Variants in SYTL3 observed in about 807,000 individuals in gnomAD.
SYTL3 encodes the protein synaptotagmin-like protein 3.
In SYTL3, 88 loss-of-function variants were observed where a neutral mutation model predicts 82.1. The ratio of observed to expected loss-of-function variants is 1.07; its 90% confidence interval spans 0.90 to 1.28. The LOEUF (loss-of-function observed/expected upper bound fraction) is 1.28, where lower values mean the gene tolerates loss of function less well. Ranked by LOEUF, SYTL3 falls within the 50% of genes most tolerant of loss-of-function variation. The pLI, the probability that SYTL3 is intolerant of heterozygous loss-of-function variation, is 0.00. For missense variants in SYTL3, 831 were observed against 757.6 expected (o/e 1.10, Z -1.14); for synonymous variants, 311 against 289.4 (o/e 1.07, Z -0.76).
Position 158,703,668 on chromosome 6 carries a change from G to C in SYTL3, c.395-3562G>C, listed in dbSNP as rs531853467. Among the ~76,000 whole-genome samples, 13 of 152,178 alleles carry C rather than the reference G, an allele frequency of 8.5e-5. No homozygotes were observed. The South Asian group carries it at 1.7e-3, about 19-fold the overall frequency. ...GGGATTGGGGCTCTGCAGGCTGGAG[G>C]CTGCCTGGGGCTCTGTGTCTCTAGC... On this transcript the variant is annotated intron_variant, in intron 6 of 17. Coordinates refer to ENST00000611299, the MANE Select transcript of SYTL3 (RefSeq NM_001242394.2).
chr6:158,741,765 T>A (rs1321569222), intron 11 of SYTL3, among the ~76,000 whole-genome samples: 1 of 152,214 alleles, frequency 6.6e-6, no homozygotes, highest in Non-Finnish European at 1.5e-5. Flanking sequence ...AAATGATGAT[T>A]TTTTTGACTT....
At chr6:158,697,176 C>CACCT (rs796558564) in intron 6 of SYTL3, among the ~76,000 whole-genome samples, 11 of 150,108 alleles carry the variant, frequency 7.3e-5, no homozygotes, top group African/African-American at 2.7e-4. Context: ...TGGTGGCTTA[C>CACCT]ACCTGTAATT....
intron 11 of SYTL3, among the ~76,000 whole-genome samples, chr6:158,731,125 A>T (rs747624621): frequency 6.6e-6 from 1 of 152,008 alleles, no homozygotes; most frequent in Non-Finnish European, 1.5e-5. Flanking sequence ...TCTACTAAAA[A>T]TACAAAAAAT....
At chr6:158,731,682 C>G (rs933254536) in intron 11 of SYTL3, among the ~76,000 whole-genome samples, 1 of 152,176 alleles carries the variant, frequency 6.6e-6, no homozygotes, top group African/African-American at 2.4e-5. Flanking sequence ...CAAGTTCTGC[C>G]TCCCGGGTTC....
At chr6:158,744,862 C>T (rs1787412951) in intron 11 of SYTL3, among the ~76,000 whole-genome samples, 1 of 152,186 alleles carries the variant, frequency 6.6e-6, no homozygotes, top group South Asian at 2.1e-4. Context: ...ATCGTATAAG[C>T]TTGGAGTACC....
chr6:158,720,920 G>T (rs1218278465), intron 10 of SYTL3, among the ~76,000 whole-genome samples: 3 of 152,170 alleles, frequency 2.0e-5, no homozygotes, highest in African/African-American at 7.2e-5. Context: ...CGCACCACAG[G>T]CTGGGCTTGT....
intron 16 of SYTL3, among the ~76,000 whole-genome samples, chr6:158,762,523 T>C (rs62431620): frequency 8.5e-5 from 13 of 152,278 alleles, no homozygotes; most frequent in Non-Finnish European, 1.6e-4. Flanking sequence ...TTCATTCTCA[T>C]TCAGTATAGG....
intron 6 of SYTL3, among the ~76,000 whole-genome samples, chr6:158,686,189 G>GGT (rs1779275358): frequency 6.6e-6 from 1 of 152,146 alleles, no homozygotes; most frequent in South Asian, 2.1e-4. Context: ...TTAGGAAAGA[G>GGT]GTGAGACTGA....
At chr6:158,759,245 G>A (rs1181855540) in intron 14 of SYTL3, among the ~76,000 whole-genome samples, 1 of 151,188 alleles carries the variant, frequency 6.6e-6, no homozygotes, top group Non-Finnish European at 1.5e-5. Flanking sequence ...GTGGCACAGA[G>A]CTGCAAGGCA....
At chr6:158,702,537 G>A (rs999844752) in intron 6 of SYTL3, among the ~76,000 whole-genome samples, 52 of 150,940 alleles carry the variant, frequency 3.4e-4, no homozygotes, top group African/African-American at 1.2e-3. Context: ...GTAAAACCCC[G>A]TCTCAAAAAC....
At chr6:158,651,573 C>CG (rs1554235566) in intron 1 of SYTL3, among the ~76,000 whole-genome samples, 180 bp from the exon 2 acceptor site, 2 of 151,710 alleles carry the variant, frequency 1.3e-5, no homozygotes, top group Non-Finnish European at 2.9e-5. Flanking sequence ...GGTGACAGAG[C>CG]GAGACTCCAT....
intron 8 of SYTL3, among the ~76,000 whole-genome samples, chr6:158,713,252 A>G (rs192236614): frequency 6.6e-6 from 1 of 152,240 alleles, no homozygotes; most frequent in Admixed American, 6.5e-5. Context: ...GGATGGATGG[A>G]TGAATGAATG....
chr6:158,756,099 A>T (rs1483530506), intron 13 of SYTL3, among the ~76,000 whole-genome samples: 1 of 152,264 alleles, frequency 6.6e-6, no homozygotes, highest in Admixed American at 6.5e-5. Flanking sequence ...AGAAAATCCA[A>T]CTAATAAGCT....
intron 13 of SYTL3, among the ~76,000 whole-genome samples, chr6:158,756,338 C>T (rs967752541): frequency 6.6e-6 from 1 of 152,254 alleles, no homozygotes; most frequent in Non-Finnish European, 1.5e-5. Context: ...TGAGCACAGG[C>T]ACCGTCCCTC....
chr6:158,707,779 A>T (rs1032439754), intron 7 of SYTL3, among the ~76,000 whole-genome samples: 2 of 152,114 alleles, frequency 1.3e-5, no homozygotes, highest in Non-Finnish European at 2.9e-5. Context: ...ACCTGATTAC[A>T]CTCAATTTAT....
intron 17 of SYTL3, among the ~76,000 whole-genome samples, chr6:158,763,840 C>CA (rs1448399766): frequency 6.6e-6 from 1 of 152,158 alleles, no homozygotes; most frequent in Non-Finnish European, 1.5e-5. Context: ...AAACAAATGG[C>CA]AATTCAGAAA....
chr6:158,657,731 C>G (rs139790302), intron 2 of SYTL3, among the ~76,000 whole-genome samples: 1 of 152,114 alleles, frequency 6.6e-6, no homozygotes, highest in East Asian at 1.9e-4. Flanking sequence ...TCTGCAGACG[C>G]GGGCCATCAA....
chr6:158,760,834 T>C, intron 15 of SYTL3, 89 bp downstream of exon 15: 7 of 1,054,558 alleles, frequency 6.6e-6, no homozygotes, highest in Non-Finnish European at 1.0e-5. Flanking sequence ...GTGAAAGTTT[T>C]CTAGCATTTC....
intron 5 of SYTL3, among the ~76,000 whole-genome samples, chr6:158,666,385 C>A (rs1790055033): frequency 6.6e-6 from 1 of 152,122 alleles, no homozygotes; most frequent in African/African-American, 2.4e-5. Flanking sequence ...GTTTTAATAC[C>A]AGTTTTAACA....
Sources: gnomAD v4.1 joint callset for allele counts (sites outside exome capture counted in the v4.1 genomes callset) on GRCh38, gnomAD v4.1.1 for gene constraint, MANE v1.5 for transcripts, NCBI Gene and HGNC (gene_info 2026-07-23, HGNC 2026-07-21) for gene names.